The following SAMMSON variants were observed in gnomAD, a reference collection of about 807,000 sequenced individuals.
The protein encoded by SAMMSON is survival associated mitochondrial melanoma specific oncogenic non-coding RNA, also known as long intergenic non-protein coding RNA 1212.
intron 4 of SAMMSON, among the ~76,000 whole-genome samples, chr3:70,124,836 AAAAGAAAG>A (rs2067449498): frequency 6.7e-6 from 1 of 148,898 alleles, no homozygotes; most frequent in African/African-American, 2.5e-5. Flanking sequence ...AAAAAAAAAA[AAAAGAAAG>A]AAAGAAAGAA....
chr3:70,167,411 G>T (rs924513973), intron 4 of SAMMSON, among the ~76,000 whole-genome samples: 1 of 151,846 alleles, frequency 6.6e-6, no homozygotes, highest in African/African-American at 2.4e-5. Flanking sequence ...AATAATACAC[G>T]TACATGAAAA....
chr3:70,282,068 A>G (rs1327337999), intron 6 of SAMMSON, among the ~76,000 whole-genome samples: 2 of 152,164 alleles, frequency 1.3e-5, no homozygotes, highest in African/African-American at 4.8e-5. Context: ...CCAATCACTG[A>G]GACAAGTACA....
At chr3:70,010,501 C>T (rs779128102) in intron 1 of SAMMSON, among the ~76,000 whole-genome samples, 21 of 152,058 alleles carry the variant, frequency 1.4e-4, no homozygotes, top group Admixed American at 3.9e-4. Context: ...GCCAAACCTT[C>T]GCCATAGCAC....
exon 1 of SAMMSON, chr3:69,999,853 G>C (rs1205116864): frequency 6.6e-6 from 1 of 152,524 alleles, no homozygotes; most frequent in South Asian, 2.1e-4. Context: ...GCAGGCCATT[G>C]ACCAGCGGGA....
chr3:70,049,125 T>C (rs1350313676), intron 3 of SAMMSON, among the ~76,000 whole-genome samples: 1 of 152,190 alleles, frequency 6.6e-6, no homozygotes, highest in East Asian at 1.9e-4. Context: ...AAACATTTAC[T>C]GCATACCTAC....
At chr3:70,104,821 G>A (rs572021286) in intron 4 of SAMMSON, among the ~76,000 whole-genome samples, 27 of 152,160 alleles carry the variant, frequency 1.8e-4, no homozygotes, top group African/African-American at 6.0e-4. Flanking sequence ...CCAGGCCTTC[G>A]TTTTTCACAT....
intron 4 of SAMMSON, among the ~76,000 whole-genome samples, chr3:70,225,138 T>C (rs1362941252): frequency 6.6e-6 from 1 of 152,202 alleles, no homozygotes. Context: ...TCAAAGCAAG[T>C]ACATCCTTTC....
intron 6 of SAMMSON, among the ~76,000 whole-genome samples, chr3:70,273,026 A>C (rs1701988910): frequency 6.6e-6 from 1 of 152,056 alleles, no homozygotes; most frequent in Non-Finnish European, 1.5e-5. Context: ...CTCCACCTCC[A>C]AATATCCTTC....
chr3:70,377,998 T>A (rs1008906820), intron 9 of SAMMSON, among the ~76,000 whole-genome samples: 4 of 152,002 alleles, frequency 2.6e-5, no homozygotes, highest in African/African-American at 4.8e-5. Context: ...GTGGGATTGT[T>A]TATTGGTATA....
At chr3:70,004,487 T>A (rs562718345) in intron 1 of SAMMSON, among the ~76,000 whole-genome samples, 1 of 152,284 alleles carries the variant, frequency 6.6e-6, no homozygotes, top group South Asian at 2.1e-4. Context: ...ACAGTCAACT[T>A]GTAGAGCTAA....
intron 9 of SAMMSON, among the ~76,000 whole-genome samples, chr3:70,362,471 A>G (rs1415574876): frequency 6.6e-6 from 1 of 152,108 alleles, no homozygotes; most frequent in East Asian, 1.9e-4. Context: ...TTTATGGTAG[A>G]ACCATACCAA....
chr3:70,136,521 C>T (rs1193526098), intron 4 of SAMMSON, among the ~76,000 whole-genome samples: 1 of 152,226 alleles, frequency 6.6e-6, no homozygotes, highest in Non-Finnish European at 1.5e-5. Flanking sequence ...TTGTCTGTGC[C>T]TCTTGAGAGA....
intron 2 of SAMMSON, among the ~76,000 whole-genome samples, chr3:70,415,447 C>T (rs547681877): frequency 1.3e-5 from 2 of 152,144 alleles, no homozygotes; most frequent in South Asian, 2.1e-4. Flanking sequence ...TCGGTGCCAA[C>T]CTGATTGTTT....
chr3:70,232,818 C>T (rs1317814666), intron 4 of SAMMSON, among the ~76,000 whole-genome samples: 2 of 152,026 alleles, frequency 1.3e-5, no homozygotes, highest in African/African-American at 2.4e-5. Context: ...GTTTGTCTTC[C>T]CAGGGTGATT....
intron 7 of SAMMSON, among the ~76,000 whole-genome samples, chr3:70,347,920 A>G (rs375670972): frequency 1.3e-5 from 2 of 152,080 alleles, no homozygotes; most frequent in Non-Finnish European, 2.9e-5. Context: ...GTATATGCCT[A>G]TAATCCCAGC....
intron 3 of SAMMSON, among the ~76,000 whole-genome samples, chr3:70,017,313 A>G (rs1450495807): frequency 1.3e-5 from 2 of 151,982 alleles, no homozygotes; most frequent in Non-Finnish European, 2.9e-5. Flanking sequence ...GTCCCTTGTA[A>G]GTTGGATTCC....
chr3:70,162,650 G>A (rs558602432), intron 4 of SAMMSON, among the ~76,000 whole-genome samples: 1 of 152,024 alleles, frequency 6.6e-6, no homozygotes, highest in Non-Finnish European at 1.5e-5. Flanking sequence ...GATAGATCAA[G>A]TTGGTTGGTA....
At chr3:70,039,412 T>A (rs1576105147) in intron 3 of SAMMSON, among the ~76,000 whole-genome samples, 1 of 151,984 alleles carries the variant, frequency 6.6e-6, no homozygotes, top group East Asian at 1.9e-4. Flanking sequence ...AGTTGAAGAC[T>A]TGACTAGAAC....
intron 7 of SAMMSON, among the ~76,000 whole-genome samples, chr3:70,302,017 G>A (rs555033306): frequency 9.5e-4 from 144 of 152,142 alleles, no homozygotes; most frequent in African/African-American, 3.4e-3. Context: ...ATATTGGTGT[G>A]GAAATTTAGC....
Sources: allele counts gnomAD v4.1 joint callset (sites outside exome capture counted in the v4.1 genomes callset), GRCh38; gene constraint gnomAD v4.1.1; transcripts MANE v1.5; gene names NCBI Gene and HGNC (gene_info 2026-07-23, HGNC 2026-07-21).